The following LRP1B variants were observed in gnomAD, a reference collection of about 807,000 sequenced individuals.
LRP1B encodes the protein LDL receptor related protein 1B, also known as low-density lipoprotein receptor-related protein 1B.
Under a neutral mutation model 556.6 loss-of-function variants are expected in LRP1B, and 217 were observed. The observed-to-expected ratio is 0.39, with a 90% CI of 0.35 to 0.44. LRP1B has a LOEUF of 0.44. LRP1B is among the 20% of genes least tolerant of loss of function. LRP1B has a pLI of 1.00. For synonymous variants in LRP1B, 2,047 were observed against 1,865.8 expected, an observed-to-expected ratio of 1.10 and a Z score of -2.50; for missense variants, 5,053 against 5,620.8, an observed-to-expected ratio of 0.90 and a Z score of 3.23.
chr2:141,186,098 A>AAAC (rs908718361), intron 7 of LRP1B, among the ~76,000 whole-genome samples: 7 of 151,142 alleles, frequency 4.6e-5, no homozygotes, highest in African/African-American at 1.7e-4. Flanking sequence ...AAAAAAAAAA[A>AAAC]ACCAGTATGC....
chr2:141,291,855 C>CAAAAAAAAAAAAAAAAAAAAAAAAAAAAA (rs143819331), intron 3 of LRP1B, among the ~76,000 whole-genome samples: 1 of 99,334 alleles, frequency 1.0e-5, no homozygotes, highest in Non-Finnish European at 1.9e-5. Context: ...GACTCTGTCT[C>CAAAAAAAAAAAAAAAAAAAAAAAAAAAAA]AAAAAAAAAA....
chr2:140,804,646 CTAA>C (rs1370371248), intron 32 of LRP1B, among the ~76,000 whole-genome samples: 15 of 87,128 alleles, frequency 1.7e-4, no homozygotes, highest in African/African-American at 4.9e-4. Context: ...TAGGTAAAAA[CTAA>C]TTTTTTTTTT....
At chr2:141,969,248 T>C (rs1701655238) in intron 1 of LRP1B, among the ~76,000 whole-genome samples, 4 of 151,582 alleles carry the variant, frequency 2.6e-5, no homozygotes, top group Non-Finnish European at 5.9e-5. Flanking sequence ...CAAATATTTA[T>C]TTTTTTGTAG....
At position 140,358,061 on chromosome 2, in the gene LRP1B, A is replaced by C. The variant is rs1682316069; in HGVS notation, c.11313T>G (p.Asn3771Lys). The part of the protein sequence containing the change: ...PCKKDEFACS[N>K]KKCIPMDLQC... ...GGAGATCCATAGGGATGCATTTTTT[A>C]TTACTACAAGCAAACTCATCCTTTT... The change falls in exon 74 of 91, where the codon AAT (asparagine) becomes AAG (lysine). Residue 3771 changes from asparagine to lysine, a missense_variant. By Grantham distance (94) the Asn-to-Lys change is moderately conservative (BLOSUM62 0). Around this residue, in one of 5 missense-constraint regions of LRP1B, gnomAD observed 599 missense variants for 648.4 expected, o/e 0.92. Coordinates refer to ENST00000389484, the MANE Select transcript of LRP1B (RefSeq NM_018557.3). The C allele has an allele frequency of 6.2e-7, 1 of 1,611,498 alleles. No homozygotes were observed. The highest frequency in any genetic ancestry group is 8.5e-7 in the Non-Finnish European group (1 of 1,178,324).
intron 7 of LRP1B, among the ~76,000 whole-genome samples, chr2:141,083,744 A>C (rs1414234439): frequency 6.6e-6 from 1 of 152,190 alleles, no homozygotes; most frequent in Non-Finnish European, 1.5e-5. Context: ...GACCAGAGTT[A>C]GTGTTCAGCC....
intron 24 of LRP1B, among the ~76,000 whole-genome samples, chr2:140,884,892 T>C: frequency 6.6e-6 from 1 of 152,112 alleles, no homozygotes; most frequent in East Asian, 1.9e-4. Flanking sequence ...CTTTGTATTT[T>C]TGGTAGAGAT....
At chr2:141,404,250 T>C (rs1690546427) in intron 3 of LRP1B, among the ~76,000 whole-genome samples, 3 of 152,194 alleles carry the variant, frequency 2.0e-5, no homozygotes, top group Admixed American at 6.5e-5. Flanking sequence ...GGTTAGAAAT[T>C]TCAACAATCA....
In LRP1B at chr2:140,781,059, C is replaced by A. The variant is rs375188252; in HGVS notation, c.5360-4821G>T. On this transcript the variant is annotated intron_variant, in intron 32 of 90. Transcript: ENST00000389484. The stretch of plus-strand genomic sequence containing the variant: ...CTTCTAAGAGTAGCACAAAACCACA[C>A]TCTGTTCACACATAAAGTTTCTGAG... Among the ~76,000 whole-genome samples the A allele has an allele frequency of 3.3e-5, 5 of 152,292 alleles. No homozygotes were observed. The East Asian group carries it at 7.7e-4, about 23-fold the overall frequency.
chr2:141,222,957 T>C (rs1053681485), intron 6 of LRP1B, among the ~76,000 whole-genome samples: 1 of 152,084 alleles, frequency 6.6e-6, no homozygotes, highest in Non-Finnish European at 1.5e-5. Context: ...GCTGGAAGCA[T>C]TCCCCTTGAA....
At chr2:141,807,460 G>A (rs1696201884) in intron 2 of LRP1B, among the ~76,000 whole-genome samples, 2 of 151,948 alleles carry the variant, frequency 1.3e-5, no homozygotes, top group South Asian at 2.1e-4. Flanking sequence ...TGCCTTTAAG[G>A]ATATTCAGCA....
chr2:141,737,997 T>C (rs1231015650), intron 2 of LRP1B, among the ~76,000 whole-genome samples: 1 of 152,090 alleles, frequency 6.6e-6, no homozygotes, highest in Non-Finnish European at 1.5e-5. Context: ...AGAACTGTTG[T>C]AATTGCTCCA....
In LRP1B at chr2:141,423,704, T is replaced by C. The variant is rs560334964; in HGVS notation, c.343+56692A>G. ...CTGTGCCTGTAGTAGATTAAAACTT[T>C]CAGAATGTGTGGATTCTTACTTTGT... On this transcript the variant is annotated intron_variant, in intron 3 of 90. Transcript: ENST00000389484. Among the ~76,000 whole-genome samples, 3 of 152,296 alleles carry C rather than the reference T, an allele frequency of 2.0e-5. No homozygotes were observed. The East Asian group carries it at 5.8e-4, about 29-fold the overall frequency.
intron 1 of LRP1B, among the ~76,000 whole-genome samples, chr2:142,060,169 G>C (rs1574643014): frequency 6.6e-6 from 1 of 152,150 alleles, no homozygotes; most frequent in East Asian, 1.9e-4. Flanking sequence ...GATTAGGAAA[G>C]GAGAAATGAT....
chr2:142,075,283 T>A (rs556156025), intron 1 of LRP1B, among the ~76,000 whole-genome samples: 14 of 152,142 alleles, frequency 9.2e-5, no homozygotes, highest in Non-Finnish European at 1.8e-4. Flanking sequence ...AACTAATACA[T>A]GAGACAAAGG....
chr2:141,631,015 C>G (rs78705708), intron 2 of LRP1B, among the ~76,000 whole-genome samples: 3 of 152,048 alleles, frequency 2.0e-5, no homozygotes, highest in Non-Finnish European at 4.4e-5. Context: ...CTGCTATAAA[C>G]GACTGCCTGA....
At chr2:140,722,766 G>A (rs191252170) in intron 35 of LRP1B, among the ~76,000 whole-genome samples, 10 of 152,276 alleles carry the variant, frequency 6.6e-5, no homozygotes, top group East Asian at 3.9e-4. Context: ...AAAGGGGACC[G>A]GGCGCAGTGG....
In LRP1B at chr2:141,949,402, T is replaced by C. The variant is rs560834807; in HGVS notation, c.83-139001A>G. ...CTTGACCAAATAAAAATTATCCATA[T>C]ATATATGGAGACACGGTCTCGCTCT... On this transcript the variant is annotated intron_variant, in intron 1 of 90. Transcript: ENST00000389484. Among the ~76,000 whole-genome samples the C allele has an allele frequency of 1.4e-3, 208 of 152,280 alleles. 7 individuals carry two copies. In the South Asian group the frequency reaches 0.041, roughly 30 times the overall value.
At chr2:141,069,232 C>G (rs1252485175) in intron 7 of LRP1B, among the ~76,000 whole-genome samples, 1 of 151,962 alleles carries the variant, frequency 6.6e-6, no homozygotes, top group Non-Finnish European at 1.5e-5. Flanking sequence ...GCTTTTTAGG[C>G]CTTTCTTTCA....
At chr2:140,320,240 A>T (rs1680028891) in intron 82 of LRP1B, among the ~76,000 whole-genome samples, 1 of 145,752 alleles carries the variant, frequency 6.9e-6, no homozygotes, top group African/African-American at 2.6e-5. Flanking sequence ...CCACATAAAC[A>T]TCTATTTATT....
Sources: allele counts gnomAD v4.1 joint callset (sites outside exome capture counted in the v4.1 genomes callset), GRCh38; gene constraint gnomAD v4.1.1; regional missense constraint gnomAD v4.1.1; transcripts MANE v1.5; gene names NCBI Gene and HGNC (gene_info 2026-07-23, HGNC 2026-07-21).